Variants in BTNL3 observed in about 807,000 individuals in gnomAD.
The protein encoded by BTNL3 is butyrophilin-like protein 3.
A neutral mutation model predicts 40.1 loss-of-function variants in BTNL3; 20 were observed. That is an observed-to-expected ratio of 0.50 (90% CI 0.35 to 0.72). The LOEUF (loss-of-function observed/expected upper bound fraction) is 0.72, where lower values mean the gene tolerates loss of function less well. BTNL3 is among the 30% of genes least tolerant of loss of function. The pLI is 0.01. For synonymous variants in BTNL3, 179 were observed against 222.1 expected, an observed-to-expected ratio of 0.81 and a Z score of 1.73; for missense variants, 449 against 582.2, an observed-to-expected ratio of 0.77 and a Z score of 2.35.
intron 1 of BTNL3, among the ~76,000 whole-genome samples, chr5:180,992,075 T>C (rs1759977891): frequency 7.3e-6 from 1 of 136,890 alleles, no homozygotes; most frequent in Non-Finnish European, 1.7e-5. Flanking sequence ...CACGAAATAA[T>C]AAAGTGGAAA....
intron 7 of BTNL3, 81 bp from the exon 8 acceptor site, chr5:181,005,253 A>C: frequency 4.4e-6 from 7 of 1,588,246 alleles, no homozygotes; most frequent in Non-Finnish European, 6.0e-6. Flanking sequence ...GCCAGTCTGC[A>C]GTGGGAGGGT....
rs1476103321 is a variant in BTNL3, at chr5:180,991,499, G to A, written c.50-1314G>A. ...CCATCGTTTGTGGTCTCTCTAAGAAGAACTCTAATCATACAGAGTTGTAAG... is the reference window on the plus strand; with the variant it reads ...CCATCGTTTGTGGTCTCTCTAAGAAAAACTCTAATCATACAGAGTTGTAAG... On this transcript the variant is annotated intron_variant, in intron 1 of 7. Coordinates refer to ENST00000342868, the MANE Select transcript of BTNL3 (RefSeq NM_197975.3). Among the ~76,000 whole-genome samples the A allele has an allele frequency of 1.2e-4, 16 of 136,620 alleles. 2 individuals carry two copies. The Admixed American group carries it at 1.2e-3, about 11-fold the overall frequency. 89.6% of individuals were successfully genotyped at this position (136,620 alleles called of 152,430 possible).
In BTNL3 at chr5:180,997,121, G is replaced by T; in HGVS notation, c.398-92G>T. The stretch of plus-strand genomic sequence containing the variant: ...GAGAGAGAGAGAAAAGGATGTATGT[G>T]TGTTATGGGTACAGGCTTGATGAAC... On this transcript the variant is annotated intron_variant, in intron 2 of 7. Coordinates refer to ENST00000342868, the MANE Select transcript of BTNL3 (RefSeq NM_197975.3). 2 of 1,411,410 alleles carry T rather than the reference G, an allele frequency of 1.4e-6. 1 individual carries two copies. The allele number at this position is 1,411,410 out of a possible 1,614,324, so 87.4% of individuals were successfully genotyped here.
In BTNL3 at chr5:181,006,518, G is replaced by A. The variant is rs1760236854; in HGVS notation, c.*646G>A. On this transcript the variant is annotated 3_prime_UTR_variant, in exon 8 of 8. Coordinates refer to ENST00000342868, the MANE Select transcript of BTNL3 (RefSeq NM_197975.3). Reference sequence around the variant, plus strand: ...CCAAAACCAGGCAAAGAAAACAGAAGAAGAGGAAGGAAAACTACAGGTCCA... The same window carrying A: ...CCAAAACCAGGCAAAGAAAACAGAAAAAGAGGAAGGAAAACTACAGGTCCA... The A allele has an allele frequency of 6.6e-6, 1 of 152,376 alleles. No homozygotes were observed. Among genetic ancestry groups the A allele is most frequent in the African/African-American group, 2.4e-5 (1 of 41,450 alleles). 9.4% of individuals were successfully genotyped at this position (152,376 alleles called of 1,614,324 possible). A position where few individuals can be genotyped will look rare whatever the true frequency, so the allele number is the denominator to read the frequency against.
intron 3 of BTNL3, among the ~76,000 whole-genome samples, chr5:180,999,826 G>A (rs530420191): frequency 1.5e-5 from 2 of 135,732 alleles, no homozygotes; most frequent in Non-Finnish European, 3.4e-5. Context: ...GAAGAAAAAC[G>A]TAAAATACAA....
chr5:180,991,726 AAAAC>A lies in BTNL3; in HGVS notation c.50-1081_50-1078del, dbSNP rs1373380124. Among the ~76,000 whole-genome samples the A allele has an allele frequency of 3.7e-5, 5 of 136,818 alleles. 2 individuals are homozygous for A. Among genetic ancestry groups the A allele is most frequent in the East Asian group, 4.3e-4 (2 of 4,650 alleles). The allele number at this position is 136,818 out of a possible 152,430, so 89.8% of individuals were successfully genotyped here. On this transcript the variant is annotated intron_variant, in intron 1 of 7. Coordinates refer to ENST00000342868, the MANE Select transcript of BTNL3 (RefSeq NM_197975.3). Reference sequence around the variant, plus strand: ...AAAGTCGTGCAGGGAAGGCTCGCAGAAAACAAACAGTTATGTCACTTGCAGCAAG... The same window carrying A: ...AAAGTCGTGCAGGGAAGGCTCGCAGAAAACAGTTATGTCACTTGCAGCAAG...
chr5:181,002,813 A>C (rs749032831), intron 4 of BTNL3, 28 bp downstream of exon 4: 1 of 1,440,212 alleles, frequency 6.9e-7, no homozygotes, highest in Non-Finnish European at 9.6e-7. Context: ...GCATGGGCCC[A>C]TACCTTCTTC....
chr5:180,997,110 AG>A, intron 2 of BTNL3, 102 bp from the exon 3 acceptor site: 10 of 1,356,816 alleles, frequency 7.4e-6, no homozygotes, highest in African/African-American at 1.4e-5. Flanking sequence ...GAGAGAGAAA[AG>A]GATGTATGTG....
In BTNL3 at chr5:181,005,330, C is replaced by G; in HGVS notation, c.863-4C>G. 6.2e-7 allele frequency: 1 copy of G among 1,610,632 alleles called. No individual in the cohort carries two copies. The highest frequency in any genetic ancestry group is 8.5e-7 in the Non-Finnish European group (1 of 1,178,710). ...TGCTTCCTCTCTCCCCCACCGCACC[C>G]CAGTGGAGGTGACTCTGGATCCAGA... On this transcript the variant is annotated splice_polypyrimidine_tract_variant and splice_region_variant and intron_variant, in intron 7 of 7. Coordinates refer to ENST00000342868, the MANE Select transcript of BTNL3 (RefSeq NM_197975.3).
intron 1 of BTNL3, among the ~76,000 whole-genome samples, chr5:180,992,328 A>C (rs896667856): frequency 1.5e-5 from 2 of 137,666 alleles, no homozygotes; most frequent in Non-Finnish European, 3.3e-5. Context: ...GTAATCATCT[A>C]TTTGAAGGAA....
chr5:181,005,050 G>A (rs1387658359), intron 7 of BTNL3, among the ~76,000 whole-genome samples: 2 of 152,134 alleles, frequency 1.3e-5, no homozygotes, highest in Non-Finnish European at 2.9e-5. Context: ...GAACTGGTGG[G>A]TGGAAGGAAG....
intron 3 of BTNL3, among the ~76,000 whole-genome samples, chr5:181,001,500 T>TGG (rs200023935): frequency 0.013 from 1,497 of 116,308 alleles, 120 homozygotes; most frequent in African/African-American, 0.03. Flanking sequence ...TTTTTATAGA[T>TGG]GGGGGGGGGT....
Position 181,002,816 on chromosome 5 carries a change from C to A in BTNL3, c.787+31C>A, listed in dbSNP as rs368993953. 5.6e-6 allele frequency: 8 copies of A among 1,438,084 alleles called. 1 individual carries two copies. Among genetic ancestry groups the A allele is most frequent in the Non-Finnish European group, 4.8e-6 (5 of 1,042,336 alleles). 89.1% of individuals were successfully genotyped at this position (1,438,084 alleles called of 1,614,324 possible). A position where few individuals can be genotyped will look rare whatever the true frequency, so the allele number is the denominator to read the frequency against. ...TGAGAGAGAGAAGCATGGGCCCATA[C>A]CTTCTTCATGGTTCCAGTGGAGCTG... On this transcript the variant is annotated intron_variant, in intron 4 of 7. Transcript: ENST00000342868.
intron 1 of BTNL3, among the ~76,000 whole-genome samples, chr5:180,992,479 T>C (rs774204231): frequency 7.3e-6 from 1 of 136,420 alleles, no homozygotes; most frequent in Non-Finnish European, 1.7e-5. Flanking sequence ...CACGTGGAGA[T>C]AGATTCTCCT....
intron 3 of BTNL3, among the ~76,000 whole-genome samples, chr5:180,997,723 C>G (rs1760053397): frequency 7.3e-6 from 1 of 137,154 alleles, no homozygotes; most frequent in East Asian, 2.1e-4. Flanking sequence ...CACAATACCC[C>G]CATGGTGCAA....
rs374184467 is a variant in BTNL3 at position 181,002,825 on chromosome 5, T to C, written c.787+40T>C. ...GAAGCATGGGCCCATACCTTCTTCA[T>C]GGTTCCAGTGGAGCTGATATCAGGC... On this transcript the variant is annotated intron_variant, in intron 4 of 7. Coordinates refer to ENST00000342868, the MANE Select transcript of BTNL3 (RefSeq NM_197975.3). 13 of 1,432,238 alleles carry C rather than the reference T, an allele frequency of 9.1e-6. 2 individuals are homozygous for C. The East Asian group carries it at 1.8e-4, about 20-fold the overall frequency. The allele number at this position is 1,432,238 out of a possible 1,614,324, so 88.7% of individuals were successfully genotyped here.
Position 180,992,772 on chromosome 5 carries a change from A to G in BTNL3, c.50-41A>G, listed in dbSNP as rs751270254. 4 of 1,456,576 alleles carry G rather than the reference A, an allele frequency of 2.7e-6. 1 individual carries two copies. Among genetic ancestry groups the G allele is most frequent in the Non-Finnish European group, 3.8e-6 (4 of 1,055,838 alleles). The allele number at this position is 1,456,576 out of a possible 1,614,324, so 90.2% of individuals were successfully genotyped here. On this transcript the variant is annotated intron_variant, in intron 1 of 7. Coordinates refer to ENST00000342868, the MANE Select transcript of BTNL3 (RefSeq NM_197975.3). ...CCACCAGAGCCCTGAGAAGGACTCA[A>G]GTGGATTTTGCTCAGTTGTCTGTTA...
rs779879904 is a variant in BTNL3 at position 181,005,898 on chromosome 5, C to A, written c.*26C>A. 6.4e-7 allele frequency: 1 copy of A among 1,557,352 alleles called. No homozygotes were observed. The highest frequency in any genetic ancestry group is 1.3e-5 in the South Asian group (1 of 79,890). ...GACAGAGAAGACCCTGCTTAAAGGGCCCCACACCACAGACCCAGACACAGC... is the reference window on the plus strand; with the variant it reads ...GACAGAGAAGACCCTGCTTAAAGGGACCCACACCACAGACCCAGACACAGC... On this transcript the variant is annotated 3_prime_UTR_variant, in exon 8 of 8. Coordinates refer to ENST00000342868, the MANE Select transcript of BTNL3 (RefSeq NM_197975.3).
At position 181,002,376 on chromosome 5, in the gene BTNL3, GTATATATATA is replaced by G. The variant is rs55873315; in HGVS notation, c.674-278_674-269del. On this transcript the variant is annotated intron_variant, in intron 3 of 7. Transcript: ENST00000342868. Reference sequence around the variant, plus strand: ...CACACACACACACACACGTGTGTGTGTATATATATATATATATATATATATATGAAATCCA... The same window carrying G: ...CACACACACACACACACGTGTGTGTGTATATATATATATATATGAAATCCA... Among the ~76,000 whole-genome samples the G allele has an allele frequency of 8.6e-5, 7 of 81,590 alleles. 1 individual carries two copies. The highest frequency in any genetic ancestry group is 1.6e-4 in the Admixed American group (1 of 6,402). The allele number at this position is 81,590 out of a possible 152,430, so 53.5% of individuals were successfully genotyped here.
Sources: gnomAD v4.1 joint callset for allele counts (sites outside exome capture counted in the v4.1 genomes callset) on GRCh38, gnomAD v4.1.1 for gene constraint, MANE v1.5 for transcripts, NCBI Gene and HGNC (gene_info 2026-07-23, HGNC 2026-07-21) for gene names.